SECISBP2: variants seen among roughly 807,000 people sequenced by gnomAD.
SECISBP2 encodes the protein selenocysteine insertion sequence-binding protein 2.
In SECISBP2, 96 loss-of-function variants were observed where a neutral mutation model predicts 98.2. The ratio of observed to expected loss-of-function variants is 0.98; its 90% CI spans 0.83 to 1.16. SECISBP2 has a LOEUF of 1.16. Among genes scored for constraint, SECISBP2 ranks in the 50% most tolerant of loss-of-function variants. The pLI is 0.00. For missense variants in SECISBP2, 1,046 were observed against 1,022.9 expected, an observed-to-expected ratio of 1.02 and a Z score of -0.31; for synonymous variants, 407 against 370.2, an observed-to-expected ratio of 1.10 and a Z score of -1.14.
chr9:89,318,795 C>T lies in SECISBP2; in HGVS notation c.36+183C>T, dbSNP rs897261671. ...CCGCCTCGGGTCCGCCTTGGGGTGG[C>T]GGTCAGCGGCTACAGACCCCGCCCA... On this transcript the variant is annotated intron_variant, in intron 1 of 16. Coordinates refer to ENST00000375807, the MANE Select transcript of SECISBP2 (RefSeq NM_024077.5). 1.8e-5 allele frequency: 22 copies of T among 1,251,390 alleles called. 1 individual carries two copies. The highest frequency in any genetic ancestry group is 8.4e-5 in the Admixed American group (2 of 23,748). 77.5% of individuals were successfully genotyped at this position (1,251,390 alleles called of 1,614,324 possible).
chr9:89,366,111 G>C, the SECISBP2 span, among the ~76,000 whole-genome samples: 1 of 152,304 alleles, frequency 6.6e-6, no homozygotes, highest in East Asian at 1.9e-4. Context: ...GGGGCCACAA[G>C]TCACTCATTC....
At chr9:89,338,920 T>C (rs112376916) in intron 8 of SECISBP2, among the ~76,000 whole-genome samples, 1 of 151,974 alleles carries the variant, frequency 6.6e-6, no homozygotes, top group Non-Finnish European at 1.5e-5. Context: ...GGATGCTGGC[T>C]TTTGCAGGGC....
chr9:89,318,841 G>C (rs1052753793), intron 1 of SECISBP2: 2 of 1,274,956 alleles, frequency 1.6e-6, no homozygotes, highest in Non-Finnish European at 2.0e-6. Context: ...CGCGTCTGTG[G>C]TGCGATGTCA....
rs775785735 is a variant in SECISBP2, at chr9:89,349,819, G to C, written c.1782G>C (p.Glu594Asp). Reference protein sequence around the residue: ...MDELISTPSVEDKSEEPPGTE... With the variant: ...MDELISTPSVDDKSEEPPGTE... ...AACTGATCTCCACTCCTTCGGTTGA[G>C]GACAAGTCTGAAGAGCCACCAGGCA... Residue 594 changes from glutamate to aspartate, a missense_variant, in exon 13 of 17, where the codon GAG becomes GAC. Physicochemically the swap from Glu to Asp is conservative, Grantham distance 45 (BLOSUM62 2). Coordinates refer to ENST00000375807, the MANE Select transcript of SECISBP2 (RefSeq NM_024077.5). The C allele has an allele frequency of 6.2e-7, 1 of 1,614,094 alleles. No individual in the cohort carries two copies. Among genetic ancestry groups the C allele is most frequent in the Admixed American group, 1.7e-5 (1 of 60,008 alleles).
At chr9:89,363,450 G>A (rs762618755), downstream of SECISBP2, 3 of 1,613,670 alleles carry the variant, frequency 1.9e-6, no homozygotes, top group South Asian at 3.3e-5. Flanking sequence ...CTCCAGCTCT[G>A]CATCATCCGG....
At chr9:89,360,266 G>A (rs1316366033), downstream of SECISBP2, among the ~76,000 whole-genome samples, 1 of 152,184 alleles carries the variant, frequency 6.6e-6, no homozygotes, top group Non-Finnish European at 1.5e-5. Flanking sequence ...GGGCCAGCAG[G>A]AAAGGAGAGG....
intron 12 of SECISBP2, 96 bp downstream of exon 12, chr9:89,348,310 C>A: frequency 7.1e-7 from 1 of 1,401,812 alleles, no homozygotes; most frequent in Non-Finnish European, 1.0e-6. Context: ...ACTTGGCTGA[C>A]TCCTCTTCCT....
At chr9:89,338,962 G>C (rs1829233562) in intron 8 of SECISBP2, among the ~76,000 whole-genome samples, 1 of 150,678 alleles carries the variant, frequency 6.6e-6, no homozygotes, top group South Asian at 2.1e-4. Context: ...TTATTATAAA[G>C]TGCTTCATTA....
Position 89,357,418 on chromosome 9 carries a change from G to A in SECISBP2, c.2121G>A (p.Leu707=). The change falls in exon 15 of 17, where the codon CTG becomes CTA. Residue 707 remains leucine (L), a synonymous_variant. Coordinates refer to ENST00000375807, the MANE Select transcript of SECISBP2 (RefSeq NM_024077.5). ...NCEKIQSKGG[L]DDTLHTIIDY... ...TCATTGTCCTTTGACCAGGTGGGCT[G>A]GATGACACTTTGCACACAATTATTG... is the stretch of plus-strand genomic sequence containing the variant. The A allele has an allele frequency of 1.2e-6, 2 of 1,614,166 alleles. No homozygotes were observed. The highest frequency in any genetic ancestry group is 8.5e-7 in the Non-Finnish European group (1 of 1,180,042).
At chr9:89,332,681 A>G in intron 5 of SECISBP2, 1 of 554,006 alleles carries the variant, frequency 1.8e-6, no homozygotes, top group Non-Finnish European at 3.2e-6. Flanking sequence ...TCCTTTGGAT[A>G]ATTACCAAGG....
chr9:89,334,761 G>T lies in SECISBP2; in HGVS notation c.1089+31G>T, dbSNP rs1390129064. 3.2e-6 allele frequency: 5 copies of T among 1,557,912 alleles called. No homozygotes were observed. In the African/African-American group the frequency reaches 4.1e-5, roughly 13 times the overall value. On this transcript the variant is annotated intron_variant, in intron 7 of 16. Coordinates refer to ENST00000375807, the MANE Select transcript of SECISBP2 (RefSeq NM_024077.5). ...TGTCACTAGAGACAGAAAGTAGGATGGTGGTTGCCAGGGGCTCAGTAGAGT... is the reference window on the plus strand; with the variant it reads ...TGTCACTAGAGACAGAAAGTAGGATTGTGGTTGCCAGGGGCTCAGTAGAGT...
chr9:89,347,572 G>A (rs1361314982), intron 11 of SECISBP2, among the ~76,000 whole-genome samples: 2 of 147,414 alleles, frequency 1.4e-5, no homozygotes, highest in African/African-American at 2.5e-5. Context: ...TCCACCTCCC[G>A]GGTTCAAGCA....
At position 89,334,676 on chromosome 9, in the gene SECISBP2, A is replaced by G. The variant is rs763709979; in HGVS notation, c.1035A>G (p.Leu345=). Residue 345 remains leucine, a synonymous_variant, in exon 7 of 17, where the codon TTA becomes TTG. Coordinates refer to ENST00000375807, the MANE Select transcript of SECISBP2 (RefSeq NM_024077.5). The part of the protein sequence containing the change: ...KNVSIPSSEA[L]SSDPSYNKEK... ...TTAGTATACCATCTTCTGAAGCTTTATCTTCGGATCCTTCCTACAACAAAG... is the reference window on the plus strand; with the variant it reads ...TTAGTATACCATCTTCTGAAGCTTTGTCTTCGGATCCTTCCTACAACAAAG... The G allele has an allele frequency of 4.8e-5, 77 of 1,614,010 alleles. No individual in the cohort carries two copies. In the African/African-American group the frequency reaches 7.2e-4, roughly 15 times the overall value.
chr9:89,323,908 G>C (rs1446919456), intron 2 of SECISBP2: 1 of 152,218 alleles, frequency 6.6e-6, no homozygotes, highest in African/African-American at 2.4e-5. Flanking sequence ...AAACTGGATT[G>C]TGATTGAGCT....
In SECISBP2 at chr9:89,346,925, G is replaced by C; in HGVS notation, c.1479G>C (p.Glu493Asp). ...TTTCCAAAGAATGTGCATCAGGGGA[G>C]AGAGGCCGCCGCATGAGTCAAATGA... is the stretch of plus-strand genomic sequence containing the variant. ...PVLSKECASG[E>D]RGRRMSQMKT... Residue 493 changes from glutamate to aspartate, a missense_variant, in exon 11 of 17, where the codon GAG becomes GAC. By Grantham distance (45) the Glu-to-Asp change is conservative (BLOSUM62 2). Coordinates refer to ENST00000375807, the MANE Select transcript of SECISBP2 (RefSeq NM_024077.5). The C allele has an allele frequency of 6.2e-7, 1 of 1,614,182 alleles. No homozygotes were observed. The highest frequency in any genetic ancestry group is 8.5e-7 in the Non-Finnish European group (1 of 1,180,034).
At chr9:89,325,234 A>C (rs898791863) in intron 2 of SECISBP2, 193 bp from the exon 3 acceptor site, 12 of 602,194 alleles carry the variant, frequency 2.0e-5, no homozygotes, top group Non-Finnish European at 3.2e-5. Flanking sequence ...GAAAAAATAG[A>C]GTCAACATCT....
intron 4 of SECISBP2, among the ~76,000 whole-genome samples, chr9:89,326,777 T>C (rs1226819349): frequency 6.6e-6 from 1 of 152,194 alleles, no homozygotes; most frequent in Non-Finnish European, 1.5e-5. Context: ...CTATATGATA[T>C]AGCCTGTTGT....
At chr9:89,338,311 TA>T in intron 7 of SECISBP2, 146 bp from the exon 8 acceptor site, 6 of 961,158 alleles carry the variant, frequency 6.2e-6, no homozygotes, top group Non-Finnish European at 9.3e-6. Flanking sequence ...GCTGGCTTTT[TA>T]AAAAACAGGG....
chr9:89,340,314 C>T (rs964964626), intron 9 of SECISBP2, among the ~76,000 whole-genome samples: 3 of 152,048 alleles, frequency 2.0e-5, no homozygotes, highest in Admixed American at 6.6e-5. Flanking sequence ...TCAGTAATGT[C>T]TGACAGAAGA....
Sources: allele counts gnomAD v4.1 joint callset (sites outside exome capture counted in the v4.1 genomes callset), GRCh38; gene constraint gnomAD v4.1.1; transcripts MANE v1.5; gene names NCBI Gene and HGNC (gene_info 2026-07-23, HGNC 2026-07-21).